ROBO1: variants seen among roughly 807,000 people sequenced by gnomAD.
The protein encoded by ROBO1 is roundabout homolog 1.
ROBO1 carries 149 observed loss-of-function variants against 195.9 expected under a neutral mutation model. The ratio of observed to expected loss-of-function variants is 0.76; its 90% CI spans 0.67 to 0.87. The LOEUF (loss-of-function observed/expected upper bound fraction) is 0.87, where lower values mean the gene tolerates loss of function less well. Among genes scored for constraint, ROBO1 ranks in the 40% least tolerant of loss-of-function variants. The probability of loss-of-function intolerance (pLI) is 0.00; values close to 1 mark genes in which losing one functional copy is unlikely to be tolerated. For synonymous variants in ROBO1, 816 were observed against 733.2 expected, an observed-to-expected ratio of 1.11 and a Z score of -1.82; for missense variants, 1,933 against 2,068.3, an observed-to-expected ratio of 0.93 and a Z score of 1.27.
At chr3:79,709,036 G>A (rs970548979) in intron 1 of ROBO1, among the ~76,000 whole-genome samples, 7 of 151,962 alleles carry the variant, frequency 4.6e-5, no homozygotes, top group African/African-American at 1.5e-4. Flanking sequence ...TATATCAAGT[G>A]TTCATTACAC....
intron 4 of ROBO1, among the ~76,000 whole-genome samples, chr3:78,835,359 C>A (rs2032614707): frequency 2.6e-5 from 4 of 152,112 alleles, no homozygotes; most frequent in Admixed American, 2.6e-4. Context: ...CACAGAAAAG[C>A]ACTCAGAGAT....
At chr3:79,743,316 T>G (rs564510669) in intron 1 of ROBO1, among the ~76,000 whole-genome samples, 1 of 152,210 alleles carries the variant, frequency 6.6e-6, no homozygotes, top group African/African-American at 2.4e-5. Flanking sequence ...ATGGTATTTG[T>G]GTATATAAAC....
chr3:79,690,719 G>T (rs938162262), intron 1 of ROBO1, among the ~76,000 whole-genome samples: 6 of 151,910 alleles, frequency 3.9e-5, no homozygotes, highest in Non-Finnish European at 8.8e-5. Flanking sequence ...CTGACTGCCA[G>T]CTGTGGAGCA....
chr3:78,871,020 G>A lies in ROBO1; in HGVS notation c.499+67581C>T, dbSNP rs1476461470. 2.6e-5 allele frequency among the ~76,000 whole-genome samples: 4 copies of A among 152,252 alleles called. No individual in the cohort carries two copies. In the East Asian group the frequency reaches 7.7e-4, roughly 29 times the overall value. On this transcript the variant is annotated intron_variant, in intron 4 of 30. Coordinates refer to ENST00000464233, the MANE Select transcript of ROBO1 (RefSeq NM_002941.4). ...TAGGTCTATTCCTGGAATATAGAAA[G>A]CACCCAGTAAATTACATTTCTCGTT...
At chr3:79,512,809 CAG>C (rs1214026930) in intron 2 of ROBO1, 2 of 152,044 alleles carry the variant, frequency 1.3e-5, no homozygotes, top group Non-Finnish European at 2.9e-5. Flanking sequence ...ACAAAATACA[CAG>C]TGTAGGATTT....
intron 2 of ROBO1, among the ~76,000 whole-genome samples, chr3:79,322,523 G>A (rs1250050730): frequency 2.0e-5 from 3 of 152,174 alleles, no homozygotes; most frequent in African/African-American, 7.2e-5. Flanking sequence ...CCCTAATACT[G>A]TTCCTGACAA....
intron 2 of ROBO1, among the ~76,000 whole-genome samples, chr3:79,138,893 G>C (rs1439799710): frequency 6.6e-6 from 1 of 151,668 alleles, no homozygotes; most frequent in African/African-American, 2.4e-5. Flanking sequence ...TTTTCTGAGA[G>C]GCTGCTCTTG....
chr3:79,138,704 A>G (rs2080463907), intron 2 of ROBO1, among the ~76,000 whole-genome samples: 2 of 151,936 alleles, frequency 1.3e-5, no homozygotes, highest in African/African-American at 4.8e-5. Context: ...GGTAATACTA[A>G]AAACTGAAAA....
intron 1 of ROBO1, among the ~76,000 whole-genome samples, chr3:79,734,311 C>G (rs562760296): frequency 6.6e-6 from 1 of 152,230 alleles, no homozygotes; most frequent in South Asian, 2.1e-4. Context: ...ATGAGTCTCT[C>G]ACATCTAAAA....
chr3:78,911,461 C>G lies in ROBO1; in HGVS notation c.499+27140G>C, dbSNP rs115004514. Among the ~76,000 whole-genome samples the G allele has an allele frequency of 4.6e-3, 704 of 152,118 alleles. 8 individuals are homozygous for G. Among genetic ancestry groups the G allele is most frequent in the African/African-American group, 0.016 (666 of 41,560 alleles). ...TACGTGCTGAACCCCCAAACTCTTT[C>G]ATTCAGAGTTACTTTGTGACTAGTC... On this transcript the variant is annotated intron_variant, in intron 4 of 30. Coordinates refer to ENST00000464233, the MANE Select transcript of ROBO1 (RefSeq NM_002941.4).
chr3:78,795,454 GAACAACAC>G (rs1001719595), intron 4 of ROBO1, among the ~76,000 whole-genome samples: 3 of 152,068 alleles, frequency 2.0e-5, no homozygotes, highest in Admixed American at 6.5e-5. Context: ...TTGCATACAG[GAACAACAC>G]TAAGAAAGGG....
At chr3:79,539,053 C>G (rs941020612) in intron 2 of ROBO1, among the ~76,000 whole-genome samples, 1 of 152,062 alleles carries the variant, frequency 6.6e-6, no homozygotes, top group South Asian at 2.1e-4. Flanking sequence ...GGGGTTTGTT[C>G]CAATATTTTG....
intron 5 of ROBO1, among the ~76,000 whole-genome samples, chr3:78,745,106 G>A (rs866990426): frequency 6.6e-6 from 1 of 151,810 alleles, no homozygotes; most frequent in East Asian, 1.9e-4. Context: ...TCAGAAGATC[G>A]AGACCATCCT....
At chr3:79,531,832 A>G (rs4479556) in intron 2 of ROBO1, among the ~76,000 whole-genome samples, 10,131 of 143,218 alleles carry the variant, frequency 0.071, 432 homozygotes, top group East Asian at 0.17. Flanking sequence ...AACCAACTCC[A>G]AGCATGAAGT....
At chr3:78,853,804 C>T (rs141378487) in intron 4 of ROBO1, among the ~76,000 whole-genome samples, 42 of 151,944 alleles carry the variant, frequency 2.8e-4, no homozygotes, top group African/African-American at 8.7e-4. Flanking sequence ...ACAATGATAG[C>T]GGAAGGCAAA....
At chr3:79,126,023 G>C (rs2080209484) in intron 2 of ROBO1, among the ~76,000 whole-genome samples, 1 of 152,150 alleles carries the variant, frequency 6.6e-6, no homozygotes, top group Admixed American at 6.5e-5. Flanking sequence ...GAGGATGTGG[G>C]GAAAAACAGG....
At position 79,637,809 on chromosome 3, in the gene ROBO1, ACATAAGAGTCAATAAAAAGCAGTATCAGG is replaced by A. The variant is rs1468364453; in HGVS notation, c.-50-47877_-50-47849del. ...GTCTTTGAGTTATACTAGTAATTCT[ACATAAGAGTCAATAAAAAGCAGTATCAGG>A]CACTCTGTGTATTCCATAAATAGTC... On this transcript the variant is annotated intron_variant, in intron 1 of 30. Coordinates refer to ENST00000464233, the MANE Select transcript of ROBO1 (RefSeq NM_002941.4). Among the ~76,000 whole-genome samples the A allele has an allele frequency of 2.9e-4, 44 of 152,302 alleles. No homozygotes were observed. The East Asian group carries it at 5.6e-3, about 19-fold the overall frequency.
At chr3:79,147,219 G>A (rs1166047943) in intron 2 of ROBO1, among the ~76,000 whole-genome samples, 1 of 151,896 alleles carries the variant, frequency 6.6e-6, no homozygotes, top group Non-Finnish European at 1.5e-5. Flanking sequence ...ATGGTTTAAA[G>A]CCTGATTTTA....
At chr3:78,747,583 G>GT (rs759062039) in intron 4 of ROBO1, among the ~76,000 whole-genome samples, 1 of 151,936 alleles carries the variant, frequency 6.6e-6, no homozygotes, top group African/African-American at 2.4e-5. Context: ...TGTTTTTGTT[G>GT]TTTTTTTGTG....
Sources: allele counts gnomAD v4.1 joint callset (sites outside exome capture counted in the v4.1 genomes callset), GRCh38; gene constraint gnomAD v4.1.1; transcripts MANE v1.5; gene names NCBI Gene and HGNC (gene_info 2026-07-23, HGNC 2026-07-21).